The following SEC24B variants were observed in gnomAD, a reference collection of about 807,000 sequenced individuals.
SEC24B encodes SEC24 homolog B, COPII component.
In SEC24B, 45 loss-of-function variants were observed where a neutral mutation model predicts 142.8. The ratio of observed to expected loss-of-function variants is 0.32; its 90% CI spans 0.25 to 0.40. SEC24B has a LOEUF of 0.40. SEC24B is among the 10% of genes least tolerant of loss of function. The probability of loss-of-function intolerance (pLI) is 1.00; values close to 1 mark genes in which losing one functional copy is unlikely to be tolerated. For synonymous variants in SEC24B, 574 were observed against 568.2 expected (o/e 1.01, Z -0.15); for missense variants, 1,409 against 1,526.8 (o/e 0.92, Z 1.29).
At chr4:109,467,325 C>CAAAA (rs70949083) in intron 2 of SEC24B, among the ~76,000 whole-genome samples, 2 of 59,842 alleles carry the variant, frequency 3.3e-5, no homozygotes, top group Non-Finnish European at 6.7e-5. Flanking sequence ...GACTCCGTCT[C>CAAAA]AAAAAAAAAA....
chr4:109,505,205 C>T (rs1736554600), intron 6 of SEC24B, among the ~76,000 whole-genome samples: 1 of 151,714 alleles, frequency 6.6e-6, no homozygotes, highest in Non-Finnish European at 1.5e-5. Flanking sequence ...AAAAATGATC[C>T]TTAAATATGA....
intron 17 of SEC24B, among the ~76,000 whole-genome samples, chr4:109,526,651 T>G (rs1204510149): frequency 6.6e-6 from 1 of 152,190 alleles, no homozygotes; most frequent in Non-Finnish European, 1.5e-5. Flanking sequence ...TCATGCTAAA[T>G]CCAGCTATGC....
intron 1 of SEC24B, among the ~76,000 whole-genome samples, chr4:109,446,533 A>G (rs542122767): frequency 2.9e-4 from 44 of 152,240 alleles, no homozygotes; most frequent in Admixed American, 1.4e-3. Flanking sequence ...GTACTTTGTT[A>G]TAGTAGCAGC....
intron 3 of SEC24B, 48 bp from the exon 4 acceptor site, chr4:109,481,629 A>G (rs909557384): frequency 9.1e-6 from 12 of 1,320,074 alleles, no homozygotes; most frequent in Non-Finnish European, 1.3e-5. Flanking sequence ...TTTATTTCTC[A>G]TCTTTCCTGT....
chr4:109,520,396 A>T lies in SEC24B; in HGVS notation c.2157A>T (p.Gly719=), dbSNP rs61745445. The change falls in exon 12 of 24, where the codon GGA becomes GGT. Residue 719 remains glycine (G), a synonymous_variant. Transcript: ENST00000265175. ...CTGGAGATTCACGAACAAGAATAGG[A>T]TTCATGACCTTTGATAGCACTATTC... ...KLPGDSRTRI[G]FMTFDSTIHF... 1.1e-3 allele frequency: 1,781 copies of T among 1,611,278 alleles called. 13 individuals are homozygous for T. The African/African-American group carries it at 0.021, about 19-fold the overall frequency.
At chr4:109,481,273 C>G (rs1733712037) in intron 3 of SEC24B, among the ~76,000 whole-genome samples, 2 of 152,086 alleles carry the variant, frequency 1.3e-5, no homozygotes, top group Admixed American at 1.3e-4. Flanking sequence ...GTATGCTGTA[C>G]AAAATCAGTT....
intron 7 of SEC24B, among the ~76,000 whole-genome samples, chr4:109,509,640 G>A (rs1482720509): frequency 6.9e-6 from 1 of 144,294 alleles, no homozygotes; most frequent in Non-Finnish European, 1.5e-5. Flanking sequence ...TCGGGCTGCT[G>A]CACTCCAGCC....
chr4:109,511,809 A>G, intron 8 of SEC24B, 148 bp from the exon 9 acceptor site: 1 of 715,666 alleles, frequency 1.4e-6, no homozygotes, highest in Non-Finnish European at 2.2e-6. Context: ...GTTGCTCAAC[A>G]TGTCCCTGGA....
chr4:109,508,307 G>A (rs528797982), intron 7 of SEC24B, among the ~76,000 whole-genome samples: 1 of 152,182 alleles, frequency 6.6e-6, no homozygotes, highest in Non-Finnish European at 1.5e-5. Context: ...GCTCACGGCT[G>A]TAATTCCAGC....
chr4:109,503,716 T>C (rs1736407688), intron 6 of SEC24B, among the ~76,000 whole-genome samples: 1 of 152,204 alleles, frequency 6.6e-6, no homozygotes, highest in Admixed American at 6.5e-5. Flanking sequence ...TAAAAGGTCT[T>C]TTCAGCGTTA....
chr4:109,486,077 T>C (rs72898706), intron 4 of SEC24B, among the ~76,000 whole-genome samples: 5 of 152,326 alleles, frequency 3.3e-5, no homozygotes, highest in Non-Finnish European at 5.9e-5. Flanking sequence ...TGTTTGGAGA[T>C]AGAGGGAAGA....
intron 1 of SEC24B, among the ~76,000 whole-genome samples, chr4:109,442,575 A>T (rs546622061): frequency 6.6e-6 from 1 of 152,194 alleles, no homozygotes; most frequent in Non-Finnish European, 1.5e-5. Flanking sequence ...TTGTGTTCAG[A>T]TAATGGAAAC....
intron 20 of SEC24B, among the ~76,000 whole-genome samples, chr4:109,531,911 G>C (rs748733407): frequency 3.9e-5 from 6 of 152,126 alleles, no homozygotes; most frequent in Non-Finnish European, 5.9e-5. Context: ...CCAGGCTGGA[G>C]TGCAGTGGTG....
chr4:109,507,542 G>A (rs1297649763), intron 7 of SEC24B, among the ~76,000 whole-genome samples: 1 of 152,142 alleles, frequency 6.6e-6, no homozygotes, highest in Non-Finnish European at 1.5e-5. Context: ...CCAAAGTGGT[G>A]GGATTATAGG....
intron 1 of SEC24B, among the ~76,000 whole-genome samples, chr4:109,439,892 G>C (rs571473763): frequency 2.0e-4 from 31 of 151,260 alleles, no homozygotes; most frequent in Non-Finnish European, 1.8e-4. Flanking sequence ...AGGCTGAGGC[G>C]GGCGGATCAC....
At chr4:109,438,579 C>A (rs1352586580) in intron 1 of SEC24B, among the ~76,000 whole-genome samples, 1 of 152,218 alleles carries the variant, frequency 6.6e-6, no homozygotes, top group African/African-American at 2.4e-5. Flanking sequence ...AGGCATGAGC[C>A]ACCATGCCCA....
intron 1 of SEC24B, among the ~76,000 whole-genome samples, chr4:109,441,032 A>G (rs1437869906): frequency 6.6e-6 from 1 of 152,152 alleles, no homozygotes; most frequent in Non-Finnish European, 1.5e-5. Flanking sequence ...TTGCTTATGG[A>G]AAGGTAAGTT....
At chr4:109,485,238 T>C (rs1392607976) in intron 4 of SEC24B, among the ~76,000 whole-genome samples, 8 of 152,278 alleles carry the variant, frequency 5.3e-5, no homozygotes, top group Non-Finnish European at 1.2e-4. Flanking sequence ...TGTTATTGTC[T>C]GTTCTTCTCA....
chr4:109,456,749 T>G (rs1317015194), intron 1 of SEC24B, among the ~76,000 whole-genome samples: 3 of 152,220 alleles, frequency 2.0e-5, no homozygotes, highest in African/African-American at 7.2e-5. Flanking sequence ...GAACCCCATT[T>G]GGTCATAATG....
Sources: gnomAD v4.1 joint callset for allele counts (sites outside exome capture counted in the v4.1 genomes callset) on GRCh38, gnomAD v4.1.1 for gene constraint, MANE v1.5 for transcripts, NCBI Gene and HGNC (gene_info 2026-07-23, HGNC 2026-07-21) for gene names.